Variants in MED12L observed in about 807,000 individuals in gnomAD.
MED12L encodes mediator complex subunit 12L.
In MED12L, 60 loss-of-function variants were observed where a neutral mutation model predicts 281.3. That is an observed-to-expected ratio of 0.21 (90% CI 0.17 to 0.26). The LOEUF (loss-of-function observed/expected upper bound fraction) is 0.26. Among genes scored for constraint, MED12L ranks in the 10% least tolerant of loss-of-function variants. The pLI is 1.00. For synonymous variants in MED12L, 974 were observed against 987.2 expected (o/e 0.99, Z 0.25); for missense variants, 2,146 against 2,680.9 (o/e 0.80, Z 4.41).
intron 27 of MED12L, among the ~76,000 whole-genome samples, chr3:151,375,448 C>T (rs1340304839): frequency 2.6e-5 from 4 of 152,114 alleles, no homozygotes; most frequent in African/African-American, 7.2e-5. Context: ...TCATTAACCC[C>T]ATGCATCTAT....
intron 39 of MED12L, among the ~76,000 whole-genome samples, chr3:151,400,805 G>A (rs1408580994): frequency 6.6e-6 from 1 of 151,934 alleles, no homozygotes; most frequent in Non-Finnish European, 1.5e-5. Flanking sequence ...CTCTTTAATG[G>A]TATACATATT....
At chr3:151,199,305 C>T (rs1161572434) in intron 16 of MED12L, 1 of 1,613,624 alleles carries the variant, frequency 6.2e-7, no homozygotes. Flanking sequence ...CCAATAATTC[C>T]AACAAGGAAA....
At chr3:151,369,578 G>A in intron 26 of MED12L, 29 bp downstream of exon 26, 2 of 1,420,718 alleles carry the variant, frequency 1.4e-6, no homozygotes, top group East Asian at 2.3e-5. Context: ...TAAGCTTCTT[G>A]GTTAATCACC....
intron 39 of MED12L, among the ~76,000 whole-genome samples, chr3:151,396,855 C>A (rs1275423335): frequency 1.3e-5 from 2 of 152,184 alleles, no homozygotes; most frequent in African/African-American, 4.8e-5. Flanking sequence ...GGTTCACTTC[C>A]TGATATAAGC....
In MED12L at chr3:151,137,289, A is replaced by G. The variant is rs919621683; in HGVS notation, c.556+9305A>G. 2.6e-5 allele frequency among the ~76,000 whole-genome samples: 4 copies of G among 152,198 alleles called. No homozygotes were observed. The South Asian group carries it at 8.3e-4, about 31-fold the overall frequency. Reference sequence around the variant, plus strand: ...CACTTCTGTTAAATTTCGTGTTAAAATTGCCCCAAAATTGGCCAGAGACCC... The same window carrying G: ...CACTTCTGTTAAATTTCGTGTTAAAGTTGCCCCAAAATTGGCCAGAGACCC... On this transcript the variant is annotated intron_variant, in intron 5 of 44. Transcript: ENST00000687756.
intron 27 of MED12L, among the ~76,000 whole-genome samples, chr3:151,374,293 A>G (rs1018971659): frequency 1.3e-5 from 2 of 152,244 alleles, no homozygotes; most frequent in African/African-American, 4.8e-5. Context: ...CAAGCCTGTA[A>G]TCCCAGCACT....
chr3:151,383,774 G>T lies in MED12L; in HGVS notation c.4681-5G>T. The stretch of plus-strand genomic sequence containing the variant: ...GCAAATATCTTACTGTATTTTGTCT[G>T]CTAGGTAGGAGGAATGTTTGACACG... On this transcript the variant is annotated splice_polypyrimidine_tract_variant and splice_region_variant and intron_variant, in intron 33 of 44. Coordinates refer to ENST00000687756, the MANE Select transcript of MED12L (RefSeq NM_001393769.1). 1 of 1,598,930 alleles carries T rather than the reference G, an allele frequency of 6.3e-7. No homozygotes were observed. Among genetic ancestry groups the T allele is most frequent in the Non-Finnish European group, 8.6e-7 (1 of 1,168,396 alleles).
intron 16 of MED12L, chr3:151,300,246 T>A: frequency 1.4e-6 from 1 of 702,998 alleles, no homozygotes; most frequent in Non-Finnish European, 2.6e-6. Context: ...GGAAGGAATT[T>A]TAAAATACAA....
chr3:151,107,617 A>G (rs1022595916), intron 2 of MED12L, among the ~76,000 whole-genome samples: 4 of 152,206 alleles, frequency 2.6e-5, no homozygotes, highest in Admixed American at 6.5e-5. Flanking sequence ...GAGGTTGAAA[A>G]GACAGCGTAT....
chr3:151,150,361 T>G (rs1470209931), intron 5 of MED12L, among the ~76,000 whole-genome samples: 1 of 152,190 alleles, frequency 6.6e-6, no homozygotes, highest in Non-Finnish European at 1.5e-5. Context: ...GGTATCTCTC[T>G]TTTTTCTGAG....
chr3:151,166,935 A>G (rs1036396616), intron 11 of MED12L, among the ~76,000 whole-genome samples: 3 of 151,996 alleles, frequency 2.0e-5, no homozygotes, highest in Non-Finnish European at 4.4e-5. Flanking sequence ...CAGCCTCCCA[A>G]AGTGCTGGGA....
chr3:151,380,147 CT>C lies in MED12L; in HGVS notation c.4514del (p.Leu1505ArgfsTer17). The C allele has an allele frequency of 6.2e-7, 1 of 1,606,828 alleles. No individual in the cohort carries two copies. The highest frequency in any genetic ancestry group is 8.5e-7 in the Non-Finnish European group (1 of 1,177,788). On this transcript the variant is annotated frameshift_variant, in exon 32 of 45. Coordinates refer to ENST00000687756, the MANE Select transcript of MED12L (RefSeq NM_001393769.1). LOFTEE classifies it high-confidence loss of function. ...TTTGAGTCAACAACCCTTCCTCTCACTGGTACTTACCTGCCTTAAGGGACAA... is the reference window on the plus strand; with the variant it reads ...TTTGAGTCAACAACCCTTCCTCTCACGGTACTTACCTGCCTTAAGGGACAA... ...SLLSQQPFLS[L>X]VLTCLKGQDE...
chr3:151,184,705 A>G (rs1268880457), intron 11 of MED12L, among the ~76,000 whole-genome samples: 2 of 152,028 alleles, frequency 1.3e-5, no homozygotes, highest in African/African-American at 4.8e-5. Context: ...GCTGAGCCCT[A>G]CCTAGACCCG....
chr3:151,280,631 C>T (rs572904977), intron 16 of MED12L, among the ~76,000 whole-genome samples: 1 of 152,060 alleles, frequency 6.6e-6, no homozygotes, highest in East Asian at 1.9e-4. Flanking sequence ...GGCTTGTGAG[C>T]AGTCAGCTTG....
chr3:151,321,111 A>G (rs1748948402), intron 16 of MED12L, among the ~76,000 whole-genome samples: 1 of 152,152 alleles, frequency 6.6e-6, no homozygotes, highest in Non-Finnish European at 1.5e-5. Flanking sequence ...AGTTGGAATG[A>G]TATGCCTCAG....
chr3:151,400,965 CCTT>C (rs1312874618), intron 39 of MED12L, among the ~76,000 whole-genome samples: 1 of 151,994 alleles, frequency 6.6e-6, no homozygotes, highest in Non-Finnish European at 1.5e-5. Flanking sequence ...CATTTCCCTC[CCTT>C]CTTCTAAAGT....
rs559300310 is a variant in MED12L, at chr3:151,266,737, A to G, written c.2250+73071A>G. On this transcript the variant is annotated intron_variant, in intron 16 of 44. Transcript: ENST00000687756. ...GACTTGGTGGCTTGGCACAGGGAAAAATAAAGCATACATGCAGGAAATAGT... is the reference window on the plus strand; with the variant it reads ...GACTTGGTGGCTTGGCACAGGGAAAGATAAAGCATACATGCAGGAAATAGT... 3.3e-5 allele frequency among the ~76,000 whole-genome samples: 5 copies of G among 152,320 alleles called. No homozygotes were observed. The East Asian group carries it at 5.8e-4, about 18-fold the overall frequency.
chr3:151,420,895 C>T (rs181718757), intron 43 of MED12L, among the ~76,000 whole-genome samples: 11 of 152,326 alleles, frequency 7.2e-5, no homozygotes, highest in South Asian at 2.1e-4. Context: ...AACCCACATC[C>T]GGAGTAAGTG....
intron 5 of MED12L, among the ~76,000 whole-genome samples, chr3:151,141,183 T>TTTTTTTTTTGTTTTTTTG (rs1716926379): frequency 8.1e-6 from 1 of 123,030 alleles, no homozygotes; most frequent in Admixed American, 7.6e-5. Context: ...TTTTTGTTTT[T>TTTTTTTTTTGTTTTTTTG]TTTGTTTTTT....
Sources: allele counts gnomAD v4.1 joint callset (sites outside exome capture counted in the v4.1 genomes callset), GRCh38; gene constraint gnomAD v4.1.1; transcripts MANE v1.5; gene names NCBI Gene and HGNC (gene_info 2026-07-23, HGNC 2026-07-21).